The following PDCL2 variants were observed in gnomAD, a reference collection of about 807,000 sequenced individuals.
The protein encoded by PDCL2 is phosducin like 2, also known as phosducin-like protein 2.
In PDCL2, 23 loss-of-function variants were observed where a neutral mutation model predicts 30.3. The observed-to-expected ratio is 0.76, with a 90% confidence interval of 0.55 to 1.08. The LOEUF is 1.08. Ranked by LOEUF, PDCL2 falls within the 50% of genes least tolerant of loss-of-function variation. The pLI is 0.00. For synonymous variants in PDCL2, 68 were observed against 86.2 expected, an observed-to-expected ratio of 0.79 and a Z score of 1.17; for missense variants, 243 against 282.3, an observed-to-expected ratio of 0.86 and a Z score of 1.00.
intron 5 of PDCL2, among the ~76,000 whole-genome samples, chr4:55,560,061 G>GA (rs146895633): frequency 6.6e-5 from 10 of 152,102 alleles, no homozygotes; most frequent in Non-Finnish European, 1.0e-4. Flanking sequence ...GATGGAATGT[G>GA]AATGTGCTTA....
At chr4:55,557,923 T>C (rs910911838) in intron 5 of PDCL2, among the ~76,000 whole-genome samples, 2 of 143,332 alleles carry the variant, frequency 1.4e-5, no homozygotes, top group Admixed American at 7.3e-5. Flanking sequence ...CTGGCCAACA[T>C]TGTGAAACTC....
In PDCL2 at chr4:55,562,568, G is replaced by C. The variant is rs1417528506; in HGVS notation, c.407C>G (p.Ala136Gly). The change falls in exon 5 of 6, where the codon GCA (alanine) becomes GGA (glycine). Residue 136 changes from alanine to glycine, a missense_variant. Coordinates refer to ENST00000295645, the MANE Select transcript of PDCL2 (RefSeq NM_152401.3). The part of the protein sequence containing the change: ...LLVNQHLSLL[A>G]RKFPETKFVK... ...AAATTTAGTTTCTGGAAACTTTCTT[G>C]CTAGAAGACTAAGATGCTGGTTAAC... 6.2e-7 allele frequency: 1 copy of C among 1,604,364 alleles called. No individual in the cohort carries two copies. Among genetic ancestry groups the C allele is most frequent in the Admixed American group, 1.7e-5 (1 of 58,322 alleles).
chr4:55,576,652 AAAG>A (rs1005176044), intron 3 of PDCL2, among the ~76,000 whole-genome samples: 27 of 152,186 alleles, frequency 1.8e-4, no homozygotes, highest in African/African-American at 6.3e-4. Flanking sequence ...ACAGAAAATG[AAAG>A]AAGAAGGAAA....
intron 1 of PDCL2, among the ~76,000 whole-genome samples, chr4:55,586,440 C>T (rs1194651589): frequency 6.6e-6 from 1 of 152,164 alleles, no homozygotes; most frequent in Non-Finnish European, 1.5e-5. Context: ...CAATAGTTGT[C>T]CTTTTGTGAC....
At chr4:55,586,317 A>G (rs1300703457) in intron 1 of PDCL2, among the ~76,000 whole-genome samples, 1 of 152,204 alleles carries the variant, frequency 6.6e-6, no homozygotes, top group Non-Finnish European at 1.5e-5. Flanking sequence ...TGTACTCATT[A>G]AATAATAGCC....
chr4:55,589,102 G>A (rs573980737), intron 1 of PDCL2, among the ~76,000 whole-genome samples: 2 of 152,108 alleles, frequency 1.3e-5, no homozygotes, highest in African/African-American at 2.4e-5. Flanking sequence ...CTCGTGATCC[G>A]CCCACCTCGG....
chr4:55,586,678 T>C (rs1394235796), intron 1 of PDCL2, among the ~76,000 whole-genome samples: 1 of 152,226 alleles, frequency 6.6e-6, no homozygotes, highest in Non-Finnish European at 1.5e-5. Context: ...TTCAATTCTT[T>C]TGGGTACATA....
intron 3 of PDCL2, among the ~76,000 whole-genome samples, chr4:55,573,596 C>T (rs528800765): frequency 6.6e-6 from 1 of 151,888 alleles, no homozygotes; most frequent in African/African-American, 2.4e-5. Flanking sequence ...CCAAAAAATA[C>T]AAAAATTAGC....
At chr4:55,591,691 C>T (rs1428102388) in intron 1 of PDCL2, among the ~76,000 whole-genome samples, 1 of 152,196 alleles carries the variant, frequency 6.6e-6, no homozygotes, top group Non-Finnish European at 1.5e-5. Context: ...ACTCTAGGGA[C>T]ATATGGTATT....
chr4:55,571,023 A>G (rs1022918705), intron 3 of PDCL2, among the ~76,000 whole-genome samples: 2 of 152,030 alleles, frequency 1.3e-5, no homozygotes, highest in Non-Finnish European at 2.9e-5. Context: ...TAGGGCCCAT[A>G]CCCTCAATCA....
chr4:55,585,499 G>A (rs1447158814), intron 1 of PDCL2, among the ~76,000 whole-genome samples: 2 of 151,910 alleles, frequency 1.3e-5, no homozygotes, highest in African/African-American at 4.8e-5. Flanking sequence ...TTGCACTCCA[G>A]CCTGGGAGAC....
intron 4 of PDCL2, among the ~76,000 whole-genome samples, chr4:55,567,952 A>C (rs1732315725): frequency 1.3e-5 from 2 of 152,326 alleles, no homozygotes; most frequent in Non-Finnish European, 2.9e-5. Context: ...CTACTTAAAA[A>C]TTAATCTACC....
chr4:55,574,284 C>A (rs936923530), intron 3 of PDCL2, among the ~76,000 whole-genome samples: 1 of 152,084 alleles, frequency 6.6e-6, no homozygotes, highest in Admixed American at 6.6e-5. Context: ...GTAGGGTGAT[C>A]ATCATTGTAG....
intron 3 of PDCL2, among the ~76,000 whole-genome samples, chr4:55,575,199 C>T (rs530004529): frequency 6.6e-6 from 1 of 152,206 alleles, no homozygotes; most frequent in South Asian, 2.1e-4. Flanking sequence ...TTGTGGGGGA[C>T]CCTGCCCCAA....
chr4:55,575,862 C>T (rs991358168), intron 3 of PDCL2, among the ~76,000 whole-genome samples: 1 of 151,888 alleles, frequency 6.6e-6, no homozygotes, highest in Admixed American at 6.6e-5. Context: ...TAATGCATTC[C>T]TAGATTTAAA....
chr4:55,562,505 TG>T lies in PDCL2; in HGVS notation c.469del (p.His157MetfsTer16). 6.3e-7 allele frequency: 1 copy of T among 1,586,830 alleles called. No individual in the cohort carries two copies. Among genetic ancestry groups the T allele is most frequent in the South Asian group, 1.2e-5 (1 of 85,942 alleles). ...AIVNSCIQHY[H>X]DNCLPTIFVY... ...AAAAATTGTTGGTAAACAATTGTCATGGTAGTGTTGAATACAGCTATTCACG... is the reference window on the plus strand; with the variant it reads ...AAAAATTGTTGGTAAACAATTGTCATGTAGTGTTGAATACAGCTATTCACG... On this transcript the variant is annotated frameshift_variant, in exon 5 of 6. Coordinates refer to ENST00000295645, the MANE Select transcript of PDCL2 (RefSeq NM_152401.3). LOFTEE classifies it high-confidence loss of function.
chr4:55,569,777 C>A lies in PDCL2; in HGVS notation c.303G>T (p.Val101=). The A allele has an allele frequency of 6.4e-7, 1 of 1,565,978 alleles. No homozygotes were observed. The highest frequency in any genetic ancestry group is 2.3e-5 in the East Asian group (1 of 43,272). Residue 101 remains valine, a synonymous_variant, in exon 4 of 6, where the codon GTG becomes GTT. Coordinates refer to ENST00000295645, the MANE Select transcript of PDCL2 (RefSeq NM_152401.3). Reference sequence around the variant, plus strand: ...CTTCTTCTGCATTTGTGACTTCATTCACATACTGATTTCCAGAAATTTCTC... The same window carrying A: ...CTTCTTCTGCATTTGTGACTTCATTAACATACTGATTTCCAGAAATTTCTC... The part of the protein sequence containing the change: ...ELREISGNQY[V]NEVTNAEEDV...
intron 4 of PDCL2, among the ~76,000 whole-genome samples, chr4:55,567,967 G>A (rs1173047067): frequency 2.0e-5 from 3 of 152,098 alleles, no homozygotes; most frequent in African/African-American, 7.2e-5. Context: ...TCTACCAAGA[G>A]TTTTAGTTAT....
intron 4 of PDCL2, among the ~76,000 whole-genome samples, chr4:55,564,195 A>C (rs1342572956): frequency 6.6e-6 from 1 of 152,262 alleles, no homozygotes; most frequent in East Asian, 1.9e-4. Context: ...ATTTTGTCAG[A>C]ATGAAAGCTC....
Sources: allele counts gnomAD v4.1 joint callset (sites outside exome capture counted in the v4.1 genomes callset), GRCh38; gene constraint gnomAD v4.1.1; transcripts MANE v1.5; gene names NCBI Gene and HGNC (gene_info 2026-07-23, HGNC 2026-07-21).